Variants in UBE2E2 observed in about 807,000 individuals in gnomAD.
UBE2E2 encodes the protein ubiquitin conjugating enzyme E2 E2.
A neutral mutation model predicts 24.7 loss-of-function variants in UBE2E2; 6 were observed. That is an observed-to-expected ratio of 0.24 (90% confidence interval 0.13 to 0.48). UBE2E2 has a LOEUF of 0.48. Among genes scored for constraint, UBE2E2 ranks in the 20% least tolerant of loss-of-function variants. The pLI, the probability that UBE2E2 is intolerant of heterozygous loss-of-function variation, is 0.99. For missense variants in UBE2E2, 169 were observed against 245.0 expected, an observed-to-expected ratio of 0.69 and a Z score of 2.07; for synonymous variants, 104 against 83.6, an observed-to-expected ratio of 1.24 and a Z score of -1.33.
chr3:23,242,494 A>G (rs1478777698), intron 3 of UBE2E2, among the ~76,000 whole-genome samples: 1 of 150,678 alleles, frequency 6.6e-6, no homozygotes, highest in Non-Finnish European at 1.5e-5. Context: ...AATTGTTTCT[A>G]CAATCTTCTT....
At chr3:23,262,166 C>T (rs1164633200) in intron 3 of UBE2E2, among the ~76,000 whole-genome samples, 1 of 152,156 alleles carries the variant, frequency 6.6e-6, no homozygotes, top group Non-Finnish European at 1.5e-5. Context: ...CATCCAGTAT[C>T]TCTTTATGGT....
At chr3:23,443,365 T>C (rs893175041) in intron 3 of UBE2E2, among the ~76,000 whole-genome samples, 1 of 152,152 alleles carries the variant, frequency 6.6e-6, no homozygotes, top group Non-Finnish European at 1.5e-5. Flanking sequence ...AAGGAGAATA[T>C]GGTTTGGTAG....
intron 3 of UBE2E2, among the ~76,000 whole-genome samples, chr3:23,417,173 C>A (rs1409309485): frequency 6.6e-6 from 1 of 152,176 alleles, no homozygotes; most frequent in Non-Finnish European, 1.5e-5. Context: ...CTGGTTTTTC[C>A]TCATCTTCGT....
At chr3:23,526,101 G>A (rs965613050) in intron 4 of UBE2E2, among the ~76,000 whole-genome samples, 1 of 152,124 alleles carries the variant, frequency 6.6e-6, no homozygotes, top group South Asian at 2.1e-4. Flanking sequence ...TGTAGAACAT[G>A]TTTGCTGATG....
chr3:23,329,174 A>G (rs1184525140), intron 3 of UBE2E2, among the ~76,000 whole-genome samples: 1 of 152,192 alleles, frequency 6.6e-6, no homozygotes, highest in Non-Finnish European at 1.5e-5. Context: ...ATTTGATAAT[A>G]GGAAACTGTA....
Position 23,402,731 on chromosome 3 carries a change from A to T in UBE2E2, c.228-96877A>T, listed in dbSNP as rs1697258493. Among the ~76,000 whole-genome samples, 4 of 150,020 alleles carry T rather than the reference A, an allele frequency of 2.7e-5. No individual in the cohort carries two copies. The South Asian group carries it at 8.6e-4, about 32-fold the overall frequency. ...AGTTATATGTTTTAAATAGGAATAT[A>T]TAGCAGTAGTACAAAGTCTCATTTT... On this transcript the variant is annotated intron_variant, in intron 3 of 5. Coordinates refer to ENST00000396703, the MANE Select transcript of UBE2E2 (RefSeq NM_152653.4).
At chr3:23,414,173 A>G (rs1697565744) in intron 3 of UBE2E2, among the ~76,000 whole-genome samples, 1 of 152,206 alleles carries the variant, frequency 6.6e-6, no homozygotes, top group African/African-American at 2.4e-5. Flanking sequence ...GAACCTTTTA[A>G]ATCTGAGACT....
intron 3 of UBE2E2, among the ~76,000 whole-genome samples, chr3:23,390,475 A>G (rs1696909068): frequency 6.6e-6 from 1 of 152,104 alleles, no homozygotes; most frequent in Admixed American, 6.5e-5. Flanking sequence ...AGCCACTTCC[A>G]CTGCTTAATA....
intron 3 of UBE2E2, among the ~76,000 whole-genome samples, chr3:23,311,788 C>T (rs926135779): frequency 6.6e-6 from 1 of 151,976 alleles, no homozygotes; most frequent in East Asian, 1.9e-4. Flanking sequence ...TTATGGGATA[C>T]AGGAGATATT....
At chr3:23,498,860 T>C (rs1399204758) in intron 3 of UBE2E2, among the ~76,000 whole-genome samples, 3 of 152,138 alleles carry the variant, frequency 2.0e-5, no homozygotes, top group African/African-American at 7.2e-5. Context: ...TCGACTCATG[T>C]GGGCCATATT....
At chr3:23,275,358 G>A (rs901331638) in intron 3 of UBE2E2, among the ~76,000 whole-genome samples, 1 of 152,168 alleles carries the variant, frequency 6.6e-6, no homozygotes, top group Non-Finnish European at 1.5e-5. Flanking sequence ...GGTGCTAAAC[G>A]GTGGACATGT....
chr3:23,292,178 C>T (rs1047009694), intron 3 of UBE2E2, among the ~76,000 whole-genome samples: 1 of 151,964 alleles, frequency 6.6e-6, no homozygotes, highest in Non-Finnish European at 1.5e-5. Flanking sequence ...GGGGTTTTGC[C>T]GTGTTGCCTA....
intron 3 of UBE2E2, among the ~76,000 whole-genome samples, chr3:23,420,919 T>G (rs1247804721): frequency 6.6e-6 from 1 of 152,206 alleles, no homozygotes; most frequent in African/African-American, 2.4e-5. Context: ...AGAACTGTTT[T>G]CAGACATGTA....
chr3:23,349,372 A>T (rs1050034995), intron 3 of UBE2E2, among the ~76,000 whole-genome samples: 9 of 152,206 alleles, frequency 5.9e-5, no homozygotes, highest in African/African-American at 1.9e-4. Context: ...GGAGTGCCAG[A>T]CAGTGGGCAC....
intron 3 of UBE2E2, among the ~76,000 whole-genome samples, chr3:23,475,044 CA>C (rs750263919): frequency 6.6e-6 from 1 of 152,104 alleles, no homozygotes; most frequent in Non-Finnish European, 1.5e-5. Context: ...CTGCAATACA[CA>C]ACACTGTTGA....
chr3:23,358,016 T>C (rs1696010996), intron 3 of UBE2E2, among the ~76,000 whole-genome samples: 1 of 152,078 alleles, frequency 6.6e-6, no homozygotes, highest in African/African-American at 2.4e-5. Context: ...TTTTATTTTT[T>C]ATAGAGATGG....
At chr3:23,204,549 T>C (rs1696094285) in intron 1 of UBE2E2, 1 of 282,860 alleles carries the variant, frequency 3.5e-6, no homozygotes, top group African/African-American at 2.3e-5. Context: ...TAATTCAGTC[T>C]GGACTTTGTG....
intron 3 of UBE2E2, among the ~76,000 whole-genome samples, chr3:23,377,895 A>C (rs1403253346): frequency 6.6e-6 from 1 of 152,202 alleles, no homozygotes; most frequent in Non-Finnish European, 1.5e-5. Flanking sequence ...TCTCTTATGT[A>C]CATGTGTATT....
At chr3:23,556,033 T>C (rs1415872637) in intron 5 of UBE2E2, among the ~76,000 whole-genome samples, 4 of 151,752 alleles carry the variant, frequency 2.6e-5, no homozygotes, top group African/African-American at 9.7e-5. Context: ...GGGAGGGAAA[T>C]GGGTAAAAGT....
Sources: gnomAD v4.1 joint callset for allele counts (sites outside exome capture counted in the v4.1 genomes callset) on GRCh38, gnomAD v4.1.1 for gene constraint, MANE v1.5 for transcripts, NCBI Gene and HGNC (gene_info 2026-07-23, HGNC 2026-07-21) for gene names.